TNK2: variants seen among roughly 807,000 people sequenced by gnomAD.
TNK2 encodes tyrosine kinase non receptor 2.
Under a neutral mutation model 101.8 loss-of-function variants are expected in TNK2, and 83 were observed. The observed-to-expected ratio is 0.82, with a 90% CI of 0.68 to 0.98. The LOEUF (loss-of-function observed/expected upper bound fraction) is 0.98. TNK2 is among the 50% of genes least tolerant of loss of function. The pLI is 0.00. For missense variants in TNK2, 1,665 were observed against 1,483.2 expected (o/e 1.12, Z -2.01); for synonymous variants, 804 against 633.0 (o/e 1.27, Z -4.06).
chr3:195,901,877 CG>C, intron 1 of TNK2, among the ~76,000 whole-genome samples: 1 of 152,114 alleles, frequency 6.6e-6, no homozygotes, highest in East Asian at 1.9e-4. Flanking sequence ...GAGGTCCCCG[CG>C]GAAGTCTTAT....
chr3:195,890,509 G>A (rs1361170815), intron 1 of TNK2, among the ~76,000 whole-genome samples: 1 of 141,580 alleles, frequency 7.1e-6, no homozygotes, highest in Admixed American at 7.2e-5. Flanking sequence ...GGAGTACAAT[G>A]GTATGATCTT....
chr3:195,865,305 C>G (rs1739941484), intron 15 of TNK2, among the ~76,000 whole-genome samples: 1 of 144,416 alleles, frequency 6.9e-6, no homozygotes, highest in Non-Finnish European at 1.5e-5. Flanking sequence ...TAAGAACCAC[C>G]CGAGACAGTG....
intron 1 of TNK2, among the ~76,000 whole-genome samples, chr3:195,902,612 C>T (rs1303182579): frequency 7.8e-5 from 10 of 128,386 alleles, no homozygotes; most frequent in Admixed American, 2.4e-4. Context: ...AGCAAGACTC[C>T]GTCTCAAAAA....
At chr3:195,883,469 G>C (rs957657352) in intron 4 of TNK2, 160 bp from the exon 5 acceptor site, 1 of 810,746 alleles carries the variant, frequency 1.2e-6, no homozygotes. Context: ...CGTGCTCTGC[G>C]TGAGGCCTGG....
At chr3:195,900,715 G>C (rs1027838163) in intron 1 of TNK2, among the ~76,000 whole-genome samples, 1 of 152,246 alleles carries the variant, frequency 6.6e-6, no homozygotes, top group Non-Finnish European at 1.5e-5. Context: ...CAGGACACGA[G>C]TGCCGCAGAG....
chr3:195,871,756 T>A (rs1408738568), intron 10 of TNK2, among the ~76,000 whole-genome samples: 1 of 152,234 alleles, frequency 6.6e-6, no homozygotes, highest in Non-Finnish European at 1.5e-5. Flanking sequence ...GACCCCTGCA[T>A]CTGAGCAGCA....
At chr3:195,892,368 G>A (rs886598839) in intron 1 of TNK2, 1 of 1,496,690 alleles carries the variant, frequency 6.7e-7, no homozygotes, top group African/African-American at 1.4e-5. Context: ...GTGCTGAGGA[G>A]CCCAACCAGT....
At position 195,868,067 on chromosome 3, in the gene TNK2, G is replaced by C; in HGVS notation, c.2231C>G (p.Pro744Arg). Reference protein sequence around the residue: ...QAPAGSPAPSPSPGGDDKPQV... With the variant: ...QAPAGSPAPSRSPGGDDKPQV... ...GGGCTTGTCGTCACCCCCCGGGCTG[G>C]GAGAGGGGGCCGGGGAGCCGGCCGG... Residue 744 changes from proline to arginine, a missense_variant, in exon 13 of 16, where the codon CCC becomes CGC. Transcript: ENST00000672887. The C allele has an allele frequency of 6.2e-7, 1 of 1,606,630 alleles. No individual in the cohort carries two copies.
At chr3:195,887,746 T>TGCGCACGTGTGTGCGTGTGC (rs1756371144) in intron 2 of TNK2, among the ~76,000 whole-genome samples, 1 of 150,528 alleles carries the variant, frequency 6.6e-6, no homozygotes, top group African/African-American at 2.5e-5. Flanking sequence ...TGCGTGTGTG[T>TGCGCACGTGTGTGCGTGTGC]GCACACGCGT....
chr3:195,872,102 T>G (rs1443249398), intron 10 of TNK2, among the ~76,000 whole-genome samples, 174 bp downstream of exon 10: 1 of 151,914 alleles, frequency 6.6e-6, no homozygotes, highest in Admixed American at 6.5e-5. Context: ...CTGGGCTTCC[T>G]AGGGTTCCAC....
chr3:195,893,313 G>C (rs1041797725), intron 1 of TNK2, among the ~76,000 whole-genome samples: 1 of 151,990 alleles, frequency 6.6e-6, no homozygotes, highest in African/African-American at 2.4e-5. Flanking sequence ...GTCCAGCCAA[G>C]AGCAAGGGTA....
rs1446801638 is a variant in TNK2 at position 195,886,809 on chromosome 3, C to T, written c.234+168G>A. On this transcript the variant is annotated intron_variant, in intron 3 of 15. Coordinates refer to ENST00000672887, the MANE Select transcript of TNK2 (RefSeq NM_001382273.1). This position sits in a 1 kb window ranked among gnomAD's most constrained non-coding sequence, Gnocchi z 4.2. ...ACAGACACTTAGCCCAGCAGCTCTA[C>T]AAGTGCCCTGCCCGATAAGACCCTG... is the stretch of plus-strand genomic sequence containing the variant. 2.6e-5 allele frequency among the ~76,000 whole-genome samples: 4 copies of T among 152,332 alleles called. No homozygotes were observed. The highest frequency in any genetic ancestry group is 9.6e-5 in the African/African-American group (4 of 41,582).
intron 10 of TNK2, among the ~76,000 whole-genome samples, chr3:195,870,866 G>A (rs1055091214): frequency 6.6e-6 from 1 of 152,214 alleles, no homozygotes; most frequent in African/African-American, 2.4e-5. Context: ...AAAACACATG[G>A]GCTGAGCCCT....
intron 1 of TNK2, among the ~76,000 whole-genome samples, chr3:195,900,898 C>T (rs1761139220): frequency 6.6e-6 from 1 of 152,212 alleles, no homozygotes; most frequent in Admixed American, 6.5e-5. Context: ...CCATACCCCA[C>T]CCCCAAGCCC....
At chr3:195,865,112 G>C in intron 15 of TNK2, among the ~76,000 whole-genome samples, 1 of 138,032 alleles carries the variant, frequency 7.2e-6, no homozygotes, top group South Asian at 2.5e-4. Flanking sequence ...AGAACCACCC[G>C]AGACAGTGAC....
chr3:195,887,066 A>C lies in TNK2; in HGVS notation c.164-19T>G. On this transcript the variant is annotated intron_variant, in intron 2 of 15. Coordinates refer to ENST00000672887, the MANE Select transcript of TNK2 (RefSeq NM_001382273.1). ...CGCTGGCCTGCAGGGAGAGCGGGGA[A>C]CCGCGTGCTGTGAAGGCCGCCGTAG... 6.2e-7 allele frequency: 1 copy of C among 1,603,952 alleles called. No homozygotes were observed. Among genetic ancestry groups the C allele is most frequent in the Admixed American group, 1.7e-5 (1 of 59,528 alleles).
intron 1 of TNK2, chr3:195,895,404 G>C: frequency 6.5e-7 from 1 of 1,531,510 alleles, no homozygotes; most frequent in Non-Finnish European, 8.8e-7. Context: ...CTGGGGGGCC[G>C]GGCCTCGAGC....
chr3:195,889,047 G>A (rs1048429365), intron 1 of TNK2, among the ~76,000 whole-genome samples: 1 of 152,034 alleles, frequency 6.6e-6, no homozygotes, highest in African/African-American at 2.4e-5. Context: ...ACCCATCTAT[G>A]GGCTCCTTAG....
Position 195,878,661 on chromosome 3 carries a change from C to T in TNK2, c.1015-69G>A. The T allele has an allele frequency of 6.4e-7, 1 of 1,562,282 alleles. No homozygotes were observed. The highest frequency in any genetic ancestry group is 2.3e-5 in the East Asian group (1 of 43,470). On this transcript the variant is annotated intron_variant, in intron 7 of 15. Coordinates refer to ENST00000672887, the MANE Select transcript of TNK2 (RefSeq NM_001382273.1). This position sits in a 1 kb window ranked among gnomAD's most constrained non-coding sequence, Gnocchi z 4.7. ...CAGCCCTTCACTTCCCGCCTTCCCT[C>T]CAGCCCATCCACAGCTGCAGCGGCT...
Sources: allele counts gnomAD v4.1 joint callset (sites outside exome capture counted in the v4.1 genomes callset), GRCh38; gene constraint gnomAD v4.1.1; non-coding constraint Gnocchi (gnomAD v3.1); transcripts MANE v1.5; gene names NCBI Gene and HGNC (gene_info 2026-07-23, HGNC 2026-07-21).